The following PYY variants were observed in gnomAD, a reference collection of about 807,000 sequenced individuals.
PYY encodes the protein peptide tyrosine tyrosine.
In PYY, 12 loss-of-function variants were observed where a neutral mutation model predicts 10.3. The observed-to-expected ratio is 1.17, with a 90% confidence interval of 0.75 to 1.89. The LOEUF (loss-of-function observed/expected upper bound fraction) is 1.89, where lower values mean the gene tolerates loss of function less well. Ranked by LOEUF, PYY falls within the 40% of genes most tolerant of loss-of-function variation. The probability of loss-of-function intolerance (pLI) is 0.00; values close to 1 mark genes in which losing one functional copy is unlikely to be tolerated. For synonymous variants in PYY, 66 were observed against 62.0 expected (o/e 1.06, Z -0.30); for missense variants, 141 against 134.0 (o/e 1.05, Z -0.26).
At chr17:43,979,669 C>T (rs2048870095) in intron 1 of PYY, among the ~76,000 whole-genome samples, 1 of 151,266 alleles carries the variant, frequency 6.6e-6, no homozygotes, top group South Asian at 2.1e-4. Context: ...CAGCAAGACT[C>T]TGTCTCAAAC....
rs1265454471 is a variant in PYY, at chr17:43,952,805, G to C, written c.*151C>G. On this transcript the variant is annotated 3_prime_UTR_variant, in exon 4 of 4. Transcript: ENST00000692052. ...CACACACAGCCCTCCAGCCCAGGGGGCGGGGGCACCGAGACGCGGGCGGAG... is the reference window on the plus strand; with the variant it reads ...CACACACAGCCCTCCAGCCCAGGGGCCGGGGGCACCGAGACGCGGGCGGAG... The C allele has an allele frequency of 2.5e-6, 2 of 785,642 alleles. No individual in the cohort carries two copies. Among genetic ancestry groups the C allele is most frequent in the African/African-American group, 3.5e-5 (2 of 56,392 alleles). The allele number at this position is 785,642 out of a possible 1,614,324, so 48.7% of individuals were successfully genotyped here.
chr17:43,970,278 C>T (rs1229201017), intron 1 of PYY, among the ~76,000 whole-genome samples: 1 of 146,018 alleles, frequency 6.8e-6, no homozygotes, highest in Non-Finnish European at 1.5e-5. Flanking sequence ...GTGGCTGAGG[C>T]TGGAGGATCA....
intron 1 of PYY, among the ~76,000 whole-genome samples, chr17:43,983,230 A>C (rs2048894480): frequency 6.6e-6 from 1 of 152,130 alleles, no homozygotes; most frequent in Non-Finnish European, 1.5e-5. Context: ...ATGCTGTCTT[A>C]AAACAAACAA....
At chr17:43,981,281 A>T (rs186454049) in intron 1 of PYY, among the ~76,000 whole-genome samples, 3 of 152,290 alleles carry the variant, frequency 2.0e-5, no homozygotes, top group Admixed American at 2.0e-4. Context: ...GTTGCACTTT[A>T]GCAGATATGG....
At chr17:44,003,279 C>T (rs566961816) in intron 1 of PYY, among the ~76,000 whole-genome samples, 5 of 152,082 alleles carry the variant, frequency 3.3e-5, no homozygotes, top group Non-Finnish European at 5.9e-5. Context: ...ATGACCCACC[C>T]GCCTCCTCAC....
intron 1 of PYY, among the ~76,000 whole-genome samples, chr17:43,997,602 T>C (rs750831555): frequency 4.6e-5 from 7 of 152,014 alleles, no homozygotes; most frequent in Non-Finnish European, 7.4e-5. Context: ...CTCAGTGAGA[T>C]GGAAGCCATG....
chr17:43,953,011 T>C lies in PYY; in HGVS notation c.270-31A>G, dbSNP rs374425710. Reference sequence around the variant, plus strand: ...GAAGCGAAGGGGAAGGAATTGGATCTGGGGAGGCGAGCCTGGGAGACGTCG... The same window carrying C: ...GAAGCGAAGGGGAAGGAATTGGATCCGGGGAGGCGAGCCTGGGAGACGTCG... On this transcript the variant is annotated intron_variant, in intron 3 of 3. Coordinates refer to ENST00000692052, the MANE Select transcript of PYY (RefSeq NM_001394028.1). 2.5e-6 allele frequency: 4 copies of C among 1,583,052 alleles called. No homozygotes were observed. In the African/African-American group the frequency reaches 5.4e-5, roughly 21 times the overall value.
intron 2 of PYY, among the ~76,000 whole-genome samples, chr17:43,961,655 C>G (rs2048713627): frequency 1.3e-5 from 2 of 152,138 alleles, no homozygotes; most frequent in Non-Finnish European, 2.9e-5. Flanking sequence ...ATTCTTGTGC[C>G]TCAGCCTCCC....
At chr17:43,989,051 C>T (rs1302043936) in intron 1 of PYY, among the ~76,000 whole-genome samples, 7 of 110,668 alleles carry the variant, frequency 6.3e-5, no homozygotes, top group Non-Finnish European at 9.4e-5. Flanking sequence ...TGTGAGCCAC[C>T]GCACCCGGCC....
intron 2 of PYY, among the ~76,000 whole-genome samples, chr17:43,960,532 CAAAA>C (rs1170040925): frequency 3.4e-5 from 2 of 59,000 alleles, no homozygotes; most frequent in African/African-American, 7.6e-5. Context: ...GACTTTGTCT[CAAAA>C]AAAAAAAAAA....
chr17:43,992,796 G>A (rs1350213106), intron 1 of PYY, among the ~76,000 whole-genome samples: 4 of 152,164 alleles, frequency 2.6e-5, no homozygotes, highest in African/African-American at 9.7e-5. Flanking sequence ...TGAGGCACGC[G>A]AATCACTTGA....
intron 3 of PYY, 45 bp from the exon 4 acceptor site, chr17:43,953,025 T>G (rs2048642289): frequency 6.3e-7 from 1 of 1,588,352 alleles, no homozygotes. Flanking sequence ...GAGGCGAGCC[T>G]GGGAGACGTC....
At chr17:43,992,615 G>A (rs1416897378) in intron 1 of PYY, among the ~76,000 whole-genome samples, 2 of 152,122 alleles carry the variant, frequency 1.3e-5, no homozygotes, top group Admixed American at 6.5e-5. Context: ...GCTGAGGCAG[G>A]AGAACTGCTT....
intron 1 of PYY, among the ~76,000 whole-genome samples, chr17:43,968,233 C>A (rs2048767158): frequency 6.6e-6 from 1 of 151,998 alleles, no homozygotes; most frequent in African/African-American, 2.4e-5. Flanking sequence ...CAGTTGTAGT[C>A]CCAAGAAGGA....
At chr17:43,961,139 T>G (rs536402977) in intron 2 of PYY, among the ~76,000 whole-genome samples, 8 of 151,692 alleles carry the variant, frequency 5.3e-5, no homozygotes, top group Admixed American at 4.6e-4. Flanking sequence ...GGTGGGAGGA[T>G]CGCTTGAGCC....
At chr17:43,966,179 G>A (rs933494118) in intron 2 of PYY, 1 of 152,682 alleles carries the variant, frequency 6.5e-6, no homozygotes, top group Admixed American at 6.5e-5. Flanking sequence ...TACTATGCCA[G>A]GTACGTCTCA....
At chr17:43,997,525 G>A (rs966304391) in intron 1 of PYY, among the ~76,000 whole-genome samples, 1 of 152,124 alleles carries the variant, frequency 6.6e-6, no homozygotes, top group Non-Finnish European at 1.5e-5. Context: ...GCTGGCTGGA[G>A]GGGCAGGGGC....
chr17:43,967,577 C>T lies in PYY; in HGVS notation c.-462-1045G>A, dbSNP rs115908699. Among the ~76,000 whole-genome samples the T allele has an allele frequency of 8.7e-3, 1,321 of 152,210 alleles. 21 individuals are homozygous for T. The highest frequency in any genetic ancestry group is 0.028 in the African/African-American group (1,151 of 41,532). ...CCTCTAAGGGCCTCAGTTTTGTCAT[C>T]GGCCACATGTATATAACAATAGCAT... On this transcript the variant is annotated intron_variant, in intron 1 of 6. Coordinates refer to the PYY transcript ENST00000360085.
At chr17:43,955,243 A>G (rs1199221805), upstream of PYY, among the ~76,000 whole-genome samples, 1 of 152,200 alleles carries the variant, frequency 6.6e-6, no homozygotes, top group Non-Finnish European at 1.5e-5. Context: ...AAGCCCTTCC[A>G]GCTTCCTCTC....
Sources: gnomAD v4.1 joint callset for allele counts (sites outside exome capture counted in the v4.1 genomes callset) on GRCh38, gnomAD v4.1.1 for gene constraint, MANE v1.5 for transcripts, NCBI Gene and HGNC (gene_info 2026-07-23, HGNC 2026-07-21) for gene names.